Variants in CYTH1 observed in about 807,000 individuals in gnomAD.
The protein encoded by CYTH1 is cytohesin 1.
A neutral mutation model predicts 61.8 loss-of-function variants in CYTH1; 18 were observed. The ratio of observed to expected loss-of-function variants is 0.29; its 90% CI spans 0.20 to 0.43. The LOEUF is 0.43. Ranked by LOEUF, CYTH1 falls within the 20% of genes least tolerant of loss-of-function variation. The probability of loss-of-function intolerance (pLI) is 1.00; values close to 1 mark genes in which losing one functional copy is unlikely to be tolerated. For missense variants in CYTH1, 336 were observed against 510.5 expected (o/e 0.66, Z 3.29); for synonymous variants, 174 against 184.3 (o/e 0.94, Z 0.45).
At chr17:78,689,231 T>C (rs1326365958) in intron 11 of CYTH1, among the ~76,000 whole-genome samples, 2 of 152,150 alleles carry the variant, frequency 1.3e-5, no homozygotes, top group Non-Finnish European at 2.9e-5. Context: ...GGCAGGCTAA[T>C]TGTCACTTGC....
At chr17:78,698,203 A>T in intron 9 of CYTH1, 66 bp downstream of exon 9, 1 of 1,323,368 alleles carries the variant, frequency 7.6e-7, no homozygotes, top group Non-Finnish European at 1.1e-6. Flanking sequence ...GCACGCACAC[A>T]CGCACACACA....
intron 13 of CYTH1, chr17:78,676,813 G>A (rs1272433100): frequency 1.4e-5 from 5 of 360,148 alleles, no homozygotes; most frequent in South Asian, 8.2e-5. Context: ...GCCGCGCCGC[G>A]GGCTGGAGCA....
chr17:78,686,042 C>A (rs1445835116), intron 11 of CYTH1, among the ~76,000 whole-genome samples: 1 of 152,124 alleles, frequency 6.6e-6, no homozygotes, highest in Non-Finnish European at 1.5e-5. Context: ...AGGGCTTTTT[C>A]CTCTTTCTCA....
At chr17:78,773,187 C>T (rs1340602884) in intron 1 of CYTH1, among the ~76,000 whole-genome samples, 1 of 151,986 alleles carries the variant, frequency 6.6e-6, no homozygotes, top group African/African-American at 2.4e-5. Context: ...GTTTAATTCA[C>T]AGGAAGGTGT....
At chr17:78,722,054 CA>C (rs1598881886) in intron 1 of CYTH1, among the ~76,000 whole-genome samples, 2 of 151,718 alleles carry the variant, frequency 1.3e-5, no homozygotes, top group African/African-American at 4.8e-5. Context: ...TCTCACAAAA[CA>C]AAAAAGTAAG....
intron 1 of CYTH1, among the ~76,000 whole-genome samples, chr17:78,760,508 T>TATATATGTATATATATATATACATAC (rs1567879609): frequency 0.017 from 799 of 46,884 alleles, 102 homozygotes; most frequent in African/African-American, 0.08. Context: ...CATATATATG[T>TATATATGTATATATATATATACATAC]ATATATATGT....
At chr17:78,757,854 G>GT (rs1225424762) in intron 1 of CYTH1, among the ~76,000 whole-genome samples, 4 of 152,036 alleles carry the variant, frequency 2.6e-5, no homozygotes, top group Admixed American at 2.0e-4. Context: ...GGAGGTTGCA[G>GT]TGAGCCAAGA....
At chr17:78,722,234 AG>A (rs2093234949) in intron 1 of CYTH1, among the ~76,000 whole-genome samples, 2 of 152,244 alleles carry the variant, frequency 1.3e-5, no homozygotes, top group Non-Finnish European at 2.9e-5. Context: ...AACCATTTTA[AG>A]AACCTTAACT....
At chr17:78,684,361 A>G (rs1348288883) in intron 11 of CYTH1, among the ~76,000 whole-genome samples, 2 of 152,196 alleles carry the variant, frequency 1.3e-5, no homozygotes, top group African/African-American at 4.8e-5. Flanking sequence ...AGCAATGTAA[A>G]ATCCCAAATA....
intron 11 of CYTH1, chr17:78,691,544 T>C (rs1483681940): frequency 3.3e-5 from 5 of 152,228 alleles, no homozygotes; most frequent in African/African-American, 1.2e-4. Context: ...TCAATGACTT[T>C]TGCTCCATGA....
intron 1 of CYTH1, among the ~76,000 whole-genome samples, chr17:78,766,319 G>A (rs1215742505): frequency 1.3e-5 from 2 of 152,136 alleles, no homozygotes; most frequent in Admixed American, 1.3e-4. Flanking sequence ...CCTGAAAATG[G>A]CTGAGAGACA....
chr17:78,710,498 C>CA (rs930124691), intron 1 of CYTH1, among the ~76,000 whole-genome samples: 2 of 152,186 alleles, frequency 1.3e-5, no homozygotes, highest in African/African-American at 4.8e-5. Flanking sequence ...CAGACACCCT[C>CA]TAAAATGACC....
intron 1 of CYTH1, among the ~76,000 whole-genome samples, chr17:78,767,345 A>G (rs932795772): frequency 4.6e-5 from 7 of 152,162 alleles, no homozygotes; most frequent in African/African-American, 1.7e-4. Flanking sequence ...TCTCACTCAG[A>G]ACACAGTGAA....
chr17:78,748,708 T>C (rs2093368404), intron 1 of CYTH1, among the ~76,000 whole-genome samples: 1 of 152,162 alleles, frequency 6.6e-6, no homozygotes, highest in Non-Finnish European at 1.5e-5. Context: ...TCTGATCAAA[T>C]AAGAGTAAGT....
chr17:78,767,190 G>A (rs1286485674), intron 1 of CYTH1, among the ~76,000 whole-genome samples: 2 of 152,118 alleles, frequency 1.3e-5, no homozygotes, highest in Admixed American at 6.5e-5. Flanking sequence ...CGTCTCAGCC[G>A]GGCATGGTGT....
intron 1 of CYTH1, among the ~76,000 whole-genome samples, chr17:78,749,848 AT>A (rs2093373035): frequency 6.6e-6 from 1 of 152,102 alleles, no homozygotes; most frequent in African/African-American, 2.4e-5. Flanking sequence ...TAAAAAAAAA[AT>A]TCCCTTACAG....
At position 78,714,515 on chromosome 17, in the gene CYTH1, A is replaced by C. The variant is rs142754686; in HGVS notation, c.23-4783T>G. Reference sequence around the variant, plus strand: ...CACTGTTGTGTTTGTGGTACTCAGCACAGGGCCTAGCACACTAAGGATTTC... The same window carrying C: ...CACTGTTGTGTTTGTGGTACTCAGCCCAGGGCCTAGCACACTAAGGATTTC... On this transcript the variant is annotated intron_variant, in intron 1 of 13. Coordinates refer to ENST00000446868, the MANE Select transcript of CYTH1 (RefSeq NM_004762.6). 1.4e-4 allele frequency among the ~76,000 whole-genome samples: 21 copies of C among 152,276 alleles called. No homozygotes were observed. The East Asian group carries it at 1.5e-3, about 11-fold the overall frequency.
At chr17:78,769,383 T>C (rs1307311126) in intron 1 of CYTH1, among the ~76,000 whole-genome samples, 3 of 152,090 alleles carry the variant, frequency 2.0e-5, no homozygotes, top group African/African-American at 7.2e-5. Flanking sequence ...TCCTGTCCTC[T>C]CATTCTCTTT....
At chr17:78,762,737 T>G (rs984910314) in intron 1 of CYTH1, among the ~76,000 whole-genome samples, 6 of 151,756 alleles carry the variant, frequency 4.0e-5, no homozygotes, top group Admixed American at 3.3e-4. Context: ...TGATGAGAGG[T>G]GAGACTCAAT....
Sources: allele counts gnomAD v4.1 joint callset (sites outside exome capture counted in the v4.1 genomes callset), GRCh38; gene constraint gnomAD v4.1.1; transcripts MANE v1.5; gene names NCBI Gene and HGNC (gene_info 2026-07-23, HGNC 2026-07-21).